Variants in PCSK7 observed in about 807,000 individuals in gnomAD.
PCSK7 encodes the protein lymphoma proprotein convertase.
PCSK7 carries 38 observed loss-of-function variants against 73.3 expected under a neutral mutation model. The observed-to-expected ratio is 0.52, with a 90% CI of 0.40 to 0.68. The LOEUF (loss-of-function observed/expected upper bound fraction) is 0.68. PCSK7 is among the 30% of genes least tolerant of loss of function. The probability of loss-of-function intolerance (pLI) is 0.00; values close to 1 mark genes in which losing one functional copy is unlikely to be tolerated. For missense variants in PCSK7, 692 were observed against 991.5 expected, an observed-to-expected ratio of 0.70 and a Z score of 4.06; for synonymous variants, 296 against 383.8, an observed-to-expected ratio of 0.77 and a Z score of 2.68.
At chr11:117,213,932 ATCTTTT>A (rs2031838428) in intron 12 of PCSK7, 1 of 143,246 alleles carries the variant, frequency 7.0e-6, no homozygotes, top group South Asian at 2.4e-4. Context: ...TTTGCCCATA[ATCTTTT>A]TCTTTTCTTT....
chr11:117,228,437 T>C, intron 3 of PCSK7, 87 bp from the exon 4 acceptor site: 2 of 1,244,052 alleles, frequency 1.6e-6, no homozygotes, highest in Non-Finnish European at 2.3e-6. Flanking sequence ...CTTTTCACCC[T>C]TGGCCTCCAC....
At chr11:117,211,482 C>G (rs2031729260) in intron 12 of PCSK7, 1 of 152,256 alleles carries the variant, frequency 6.6e-6, no homozygotes, top group Non-Finnish European at 1.5e-5. Flanking sequence ...AACAACCTCT[C>G]TCCTTCCACT....
Position 117,229,807 on chromosome 11 carries a change from G to T in PCSK7, c.38C>A (p.Ala13Asp). 1.3e-6 allele frequency: 2 copies of T among 1,592,192 alleles called. No homozygotes were observed. The highest frequency in any genetic ancestry group is 1.7e-6 in the Non-Finnish European group (2 of 1,168,610). The stretch of plus-strand genomic sequence containing the variant: ...GAGGCAGGTGGGCAGGCCCAGGGGG[G>T]CATCCAAGTGTGGCACTTTCTGCCT... Reference protein sequence around the residue: ...KGRQKVPHLDAPLGLPTCLWL... With the variant: ...KGRQKVPHLDDPLGLPTCLWL... Residue 13 changes from alanine (A) to aspartate (D), a missense_variant, in exon 3 of 17, where the codon GCC becomes GAC. Ala to Asp is a moderately radical substitution (Grantham distance 126). This residue lies in a region of PCSK7 where 574 missense variants were observed against 689.8 expected (regional missense o/e 0.83). Transcript: ENST00000320934.
chr11:117,228,386 T>C (rs373402928), intron 3 of PCSK7, 36 bp from the exon 4 acceptor site: 15 of 1,604,638 alleles, frequency 9.3e-6, no homozygotes, highest in Middle Eastern at 3.3e-4. Flanking sequence ...CAGTGACACA[T>C]AGCACAGCCC....
chr11:117,210,088 C>T (rs1272421288), intron 12 of PCSK7: 4 of 152,130 alleles, frequency 2.6e-5, no homozygotes, highest in African/African-American at 7.2e-5. Flanking sequence ...CAGCTACACA[C>T]GCGCATACAC....
At chr11:117,217,830 C>T (rs2032045343) in intron 12 of PCSK7, 1 of 152,334 alleles carries the variant, frequency 6.6e-6, no homozygotes, top group Non-Finnish European at 1.5e-5. Flanking sequence ...GCATCCTGAT[C>T]CAGCTGCACT....
At chr11:117,223,332 G>C (rs1291544813) in intron 8 of PCSK7, 24 bp from the exon 9 acceptor site, 2 of 1,415,370 alleles carry the variant, frequency 1.4e-6, no homozygotes, top group Non-Finnish European at 1.0e-6. Context: ...AGGGAGATTA[G>C]AGCTGAGATG....
intron 5 of PCSK7, 48 bp from the exon 6 acceptor site, chr11:117,226,069 G>T: frequency 9.4e-7 from 1 of 1,063,564 alleles, no homozygotes; most frequent in Non-Finnish European, 1.5e-6. Context: ...TGGTCTCCTA[G>T]CCGGGGAACT....
At chr11:117,214,900 G>A (rs1003018509) in intron 12 of PCSK7, 3 of 152,250 alleles carry the variant, frequency 2.0e-5, no homozygotes, top group Admixed American at 1.3e-4. Flanking sequence ...AAGGAGAGGT[G>A]CAAGTGGGTG....
Position 117,230,165 on chromosome 11 carries a change from G to A in PCSK7, c.-13+184C>T, listed in dbSNP as rs190821914. 4.7e-3 allele frequency: 1,480 copies of A among 311,820 alleles called. 7 individuals carry two copies. Among genetic ancestry groups the A allele is most frequent in the Non-Finnish European group, 6.7e-3 (1,127 of 167,976 alleles). The allele number at this position is 311,820 out of a possible 1,614,324, so 19.3% of individuals were successfully genotyped here. A position where few individuals can be genotyped will look rare whatever the true frequency, so the allele number is the denominator to read the frequency against. On this transcript the variant is annotated intron_variant, in intron 2 of 16. Coordinates refer to ENST00000320934, the MANE Select transcript of PCSK7 (RefSeq NM_004716.4). Reference sequence around the variant, plus strand: ...CTCACAGGCACTGCGAGCAACCCCTGTTGCCACCCACAGGGCTCAAAGCAC... The same window carrying A: ...CTCACAGGCACTGCGAGCAACCCCTATTGCCACCCACAGGGCTCAAAGCAC...
chr11:117,206,178 C>A lies in PCSK7; in HGVS notation c.2177G>T (p.Cys726Phe), dbSNP rs772747362. 1.2e-5 allele frequency: 19 copies of A among 1,613,918 alleles called. No homozygotes were observed. The South Asian group carries it at 2.0e-4, about 17-fold the overall frequency. The change falls in exon 17 of 17, where the codon TGC becomes TTC. Residue 726 changes from cysteine (C) to phenylalanine (F), a missense_variant. Cys to Phe is a radical substitution (Grantham distance 205). Transcript: ENST00000320934. The part of the protein sequence containing the change: ...EGTELESVPL[C>F]SSKDPDEVET... ...CACTTCGTCTGGATCCTTGCTGCTG[C>A]AAAGTGGCACTGATTCTAGCTCTGT... is the stretch of plus-strand genomic sequence containing the variant.
intron 9 of PCSK7, chr11:117,220,785 G>A (rs2032161305): frequency 6.6e-6 from 1 of 152,342 alleles, no homozygotes; most frequent in African/African-American, 2.4e-5. Flanking sequence ...TCCAGCAAGA[G>A]AGGACTGTGT....
chr11:117,219,971 T>G, intron 9 of PCSK7: 1 of 408,890 alleles, frequency 2.4e-6, no homozygotes, highest in Admixed American at 4.6e-5. Context: ...AAAAAGAAGC[T>G]AGAGACTGAG....
rs1242127 is a variant in PCSK7 at position 117,205,848 on chromosome 11, A to G, written c.*149T>C. 156,367 of 632,476 alleles carry G rather than the reference A, an allele frequency of 0.25. 29,473 individuals are homozygous for G. The highest frequency in any genetic ancestry group is 0.59 in the East Asian group (18,706 of 31,752). 39.2% of individuals were successfully genotyped at this position (632,476 alleles called of 1,614,324 possible). On this transcript the variant is annotated 3_prime_UTR_variant, in exon 17 of 17. Transcript: ENST00000320934. ...CAGACTTCTCTGGCAGCAATCCTCCACCATTTGTATCTTAAGAAGGCCCTC... is the reference window on the plus strand; with the variant it reads ...CAGACTTCTCTGGCAGCAATCCTCCGCCATTTGTATCTTAAGAAGGCCCTC...
chr11:117,210,784 A>C (rs11216316), intron 12 of PCSK7: 23,660 of 152,192 alleles, frequency 0.16, 2,442 homozygotes, highest in East Asian at 0.5. Context: ...AAAAATAAAA[A>C]ATTAGCTGGA....
At chr11:117,226,276 C>T in intron 5 of PCSK7, 1 of 483,822 alleles carries the variant, frequency 2.1e-6, no homozygotes. Flanking sequence ...GCTGGGACTA[C>T]AGGCGCATGC....
At chr11:117,210,235 TTGTACATTTCTTTGAAAC>T (rs2031663167) in intron 12 of PCSK7, 1 of 152,206 alleles carries the variant, frequency 6.6e-6, no homozygotes, top group South Asian at 2.1e-4. Context: ...GGGACTTCTC[TTGTACATTTCTTTGAAAC>T]CTCCTGTAAA....
At chr11:117,223,380 T>C in intron 8 of PCSK7, 72 bp from the exon 9 acceptor site, 1 of 940,448 alleles carries the variant, frequency 1.1e-6, no homozygotes, top group Non-Finnish European at 1.7e-6. Flanking sequence ...CTAATGTCAG[T>C]TATCTTGGAG....
rs201300694 is a variant in PCSK7 at position 117,229,623 on chromosome 11, C to G, written c.222G>C (p.Ala74=). ...GCCCTGCTGCCTGGGCCAAGGCATC[C>G]GCCTGCTGCTCCAGAGTCTCTTCCT... The part of the protein sequence containing the change: ...DGEEETLEQQ[A]DALAQAAGLV... The change falls in exon 3 of 17, where the codon GCG becomes GCC. Residue 74 remains alanine, a synonymous_variant. Coordinates refer to ENST00000320934, the MANE Select transcript of PCSK7 (RefSeq NM_004716.4). The G allele has an allele frequency of 5.0e-6, 8 of 1,614,076 alleles. No individual in the cohort carries two copies. The highest frequency in any genetic ancestry group is 6.8e-6 in the Non-Finnish European group (8 of 1,179,936).
Sources: gnomAD v4.1 joint callset for allele counts on GRCh38, gnomAD v4.1.1 for gene constraint, gnomAD v4.1.1 regional missense constraint, MANE v1.5 for transcripts, NCBI Gene and HGNC (gene_info 2026-07-23, HGNC 2026-07-21) for gene names.